The following UBE2E1 variants were observed in gnomAD, a reference collection of about 807,000 sequenced individuals.
UBE2E1 encodes ubiquitin conjugating enzyme E2 E1, also known as ubiquitin-conjugating enzyme E2 E1.
A neutral mutation model predicts 21.4 loss-of-function variants in UBE2E1; 6 were observed. The ratio of observed to expected loss-of-function variants is 0.28; its 90% CI spans 0.15 to 0.55. UBE2E1 has a LOEUF of 0.55. UBE2E1 is among the 20% of genes least tolerant of loss of function. The pLI, the probability that UBE2E1 is intolerant of heterozygous loss-of-function variation, is 0.93. For synonymous variants in UBE2E1, 87 were observed against 82.7 expected, an observed-to-expected ratio of 1.05 and a Z score of -0.28; for missense variants, 142 against 236.5, an observed-to-expected ratio of 0.60 and a Z score of 2.62.
intron 5 of UBE2E1, chr3:23,889,718 T>A (rs1025348287): frequency 2.0e-6 from 2 of 985,364 alleles, no homozygotes; most frequent in Non-Finnish European, 2.4e-6. Flanking sequence ...TAGTGACTAT[T>A]GAATTGTGAC....
At chr3:23,849,954 C>T (rs564438187) in intron 3 of UBE2E1, among the ~76,000 whole-genome samples, 7 of 152,076 alleles carry the variant, frequency 4.6e-5, no homozygotes, top group Admixed American at 1.3e-4. Context: ...AATGGTGTGT[C>T]TTTGATTTTC....
At chr3:23,815,804 T>C (rs2125282742) in intron 3 of UBE2E1, among the ~76,000 whole-genome samples, 2 of 152,380 alleles carry the variant, frequency 1.3e-5, no homozygotes. Context: ...TTTTAGCATC[T>C]TTCATTTATC....
At chr3:23,877,474 C>T (rs1700940850) in intron 3 of UBE2E1, among the ~76,000 whole-genome samples, 1 of 152,108 alleles carries the variant, frequency 6.6e-6, no homozygotes. Context: ...TGGGGGCTGT[C>T]TGGTGCATTG....
intron 2 of UBE2E1, chr3:23,811,040 G>C (rs1699378263): frequency 5.3e-6 from 1 of 188,356 alleles, no homozygotes; most frequent in Admixed American, 5.5e-5. Flanking sequence ...GGGCATCTGA[G>C]GGGTGAAAGG....
intron 3 of UBE2E1, among the ~76,000 whole-genome samples, chr3:23,882,080 T>A (rs1327270396): frequency 6.6e-6 from 1 of 152,182 alleles, no homozygotes; most frequent in Non-Finnish European, 1.5e-5. Flanking sequence ...GCAGCAAGAT[T>A]TATTGCAAGG....
intron 3 of UBE2E1, among the ~76,000 whole-genome samples, chr3:23,851,030 G>A (rs989587301): frequency 6.6e-6 from 1 of 151,902 alleles, no homozygotes. Flanking sequence ...TTAGTTTTTC[G>A]ATTTGGATCA....
chr3:23,860,342 C>G (rs1161200649), intron 3 of UBE2E1, among the ~76,000 whole-genome samples: 1 of 152,156 alleles, frequency 6.6e-6, no homozygotes, highest in African/African-American at 2.4e-5. Flanking sequence ...CTGGTTTTAC[C>G]TTTTTAGCAA....
At chr3:23,832,293 A>C (rs542678010) in intron 3 of UBE2E1, among the ~76,000 whole-genome samples, 1 of 152,334 alleles carries the variant, frequency 6.6e-6, no homozygotes, top group East Asian at 1.9e-4. Context: ...ATACATTTTT[A>C]ATAAAGGAGA....
In UBE2E1 at chr3:23,806,026, G is replaced by GGCCCA. The variant is rs1210362880; in HGVS notation, c.-92_-88dup. On this transcript the variant is annotated 5_prime_UTR_variant, in exon 1 of 6. Transcript: ENST00000306627. This position sits in a 1 kb window ranked among gnomAD's most constrained non-coding sequence, Gnocchi z 6.5. The stretch of plus-strand genomic sequence containing the variant: ...AGCGAGAGAGAGACACGAGTGGCCA[G>GGCCCA]GCCCAGCCGCAGCCGCAGCAGCAGC... 6.5e-6 allele frequency: 1 copy of GGCCCA among 153,160 alleles called. No homozygotes were observed. Among genetic ancestry groups the GGCCCA allele is most frequent in the African/African-American group, 2.4e-5 (1 of 41,326 alleles). 9.5% of individuals were successfully genotyped at this position (153,160 alleles called of 1,614,324 possible). A position where few individuals can be genotyped will look rare whatever the true frequency, so the allele number is the denominator to read the frequency against.
chr3:23,845,543 T>C (rs1004964998), intron 3 of UBE2E1, among the ~76,000 whole-genome samples: 1 of 150,948 alleles, frequency 6.6e-6, no homozygotes, highest in East Asian at 2.0e-4. Context: ...CTTTTGTCCA[T>C]CTCCCCACTG....
intron 3 of UBE2E1, among the ~76,000 whole-genome samples, chr3:23,846,698 CAAAA>C (rs10662469): frequency 2.2e-5 from 2 of 89,848 alleles, no homozygotes; most frequent in South Asian, 4.9e-4. Context: ...TCCATCTCAT[CAAAA>C]AAAAAAAAAA....
chr3:23,850,088 CTT>C (rs1463880232), intron 3 of UBE2E1, among the ~76,000 whole-genome samples: 2 of 152,074 alleles, frequency 1.3e-5, no homozygotes, highest in Non-Finnish European at 2.9e-5. Flanking sequence ...GGAAAAATGT[CTT>C]TTAGATATTT....
intron 3 of UBE2E1, among the ~76,000 whole-genome samples, chr3:23,817,011 T>TATATATATATATATA (rs1251848566): frequency 6.6e-6 from 1 of 152,236 alleles, no homozygotes; most frequent in African/African-American, 2.4e-5. Flanking sequence ...ATATATTTTA[T>TATATATATATATATA]CACAATAAAC....
rs889098016 is a variant in UBE2E1, at chr3:23,883,693, G to A, written c.204-3874G>A. On this transcript the variant is annotated intron_variant, in intron 3 of 5. Transcript: ENST00000306627. Reference sequence around the variant, plus strand: ...AGCACTTTGGCAGGCTGAGGCAGTCGGATCACAAGGTCAGGAGTTTGAGAC... The same window carrying A: ...AGCACTTTGGCAGGCTGAGGCAGTCAGATCACAAGGTCAGGAGTTTGAGAC... 3.9e-5 allele frequency among the ~76,000 whole-genome samples: 6 copies of A among 152,082 alleles called. No homozygotes were observed. In the East Asian group the frequency reaches 5.8e-4, roughly 15 times the overall value.
At chr3:23,841,882 G>C (rs945527645) in intron 3 of UBE2E1, among the ~76,000 whole-genome samples, 4 of 152,130 alleles carry the variant, frequency 2.6e-5, no homozygotes, top group Non-Finnish European at 5.9e-5. Context: ...ACGTATGTTT[G>C]GGGGTAGATG....
intron 3 of UBE2E1, among the ~76,000 whole-genome samples, chr3:23,864,954 C>A (rs1032972994): frequency 6.6e-6 from 1 of 152,236 alleles, no homozygotes; most frequent in Non-Finnish European, 1.5e-5. Context: ...ACCACTGGTG[C>A]AGAGACCCTC....
intron 3 of UBE2E1, chr3:23,879,317 T>A (rs1030366251): frequency 1.3e-6 from 1 of 789,632 alleles, no homozygotes; most frequent in African/African-American, 1.8e-5. Context: ...TTGCCAAGAT[T>A]ACCTTAATTT....
At chr3:23,819,544 C>CT (rs1471594252) in intron 3 of UBE2E1, among the ~76,000 whole-genome samples, 4 of 152,166 alleles carry the variant, frequency 2.6e-5, no homozygotes, top group Non-Finnish European at 5.9e-5. Context: ...TCCCAGCAGA[C>CT]TTTAAGTTCC....
At chr3:23,845,275 G>C (rs1284075276) in intron 3 of UBE2E1, among the ~76,000 whole-genome samples, 1 of 152,148 alleles carries the variant, frequency 6.6e-6, no homozygotes, top group Admixed American at 6.5e-5. Context: ...CTCAAGATCT[G>C]TGTGTCTGGC....
Sources: gnomAD v4.1 joint callset for allele counts (sites outside exome capture counted in the v4.1 genomes callset) on GRCh38, gnomAD v4.1.1 for gene constraint, Gnocchi (gnomAD v3.1) non-coding constraint, MANE v1.5 for transcripts, NCBI Gene and HGNC (gene_info 2026-07-23, HGNC 2026-07-21) for gene names.